ZFYVE9: variants seen among roughly 807,000 people sequenced by gnomAD.
The protein encoded by ZFYVE9 is zinc finger FYVE domain-containing protein 9.
ZFYVE9 carries 43 observed loss-of-function variants against 126.7 expected under a neutral mutation model. The observed-to-expected ratio is 0.34, with a 90% CI of 0.27 to 0.44. ZFYVE9 has a LOEUF of 0.44. Among genes scored for constraint, ZFYVE9 ranks in the 20% least tolerant of loss-of-function variants. The pLI is 1.00. For synonymous variants in ZFYVE9, 521 were observed against 597.4 expected (o/e 0.87, Z 1.87); for missense variants, 1,476 against 1,697.0 (o/e 0.87, Z 2.29).
intron 13 of ZFYVE9, among the ~76,000 whole-genome samples, chr1:52,329,700 T>A (rs2147867121): frequency 6.6e-6 from 1 of 152,052 alleles, no homozygotes; most frequent in Non-Finnish European, 1.5e-5. Flanking sequence ...GGTCAGGAGA[T>A]CGAGACCATC....
chr1:52,291,902 A>AG (rs1645924247), intron 10 of ZFYVE9, among the ~76,000 whole-genome samples: 1 of 151,560 alleles, frequency 6.6e-6, no homozygotes, highest in Non-Finnish European at 1.5e-5. Flanking sequence ...AAAAAAAAAA[A>AG]AAAAGAGAAA....
intron 17 of ZFYVE9, among the ~76,000 whole-genome samples, chr1:52,342,335 G>A (rs958074775): frequency 1.4e-5 from 2 of 144,498 alleles, no homozygotes; most frequent in Non-Finnish European, 3.0e-5. Context: ...GCGCAATCTC[G>A]GCTCACTGCA....
intron 17 of ZFYVE9, among the ~76,000 whole-genome samples, chr1:52,344,071 CAA>C (rs112122608): frequency 2.5e-4 from 22 of 89,786 alleles, no homozygotes; most frequent in Middle Eastern, 5.6e-3. Flanking sequence ...ACTTTGTTTC[CAA>C]AAAAAAAAAA....
Position 52,237,935 on chromosome 1 carries a change from A to G in ZFYVE9, c.518A>G (p.Asn173Ser). 6.2e-7 allele frequency: 1 copy of G among 1,614,056 alleles called. No individual in the cohort carries two copies. The highest frequency in any genetic ancestry group is 8.5e-7 in the Non-Finnish European group (1 of 1,179,946). Residue 173 changes from asparagine to serine, a missense_variant, in exon 4 of 19, where the codon AAT becomes AGT. Around this residue, in one of 2 missense-constraint regions of ZFYVE9, gnomAD observed 807 missense variants for 794.6 expected, o/e 1.02. Coordinates refer to ENST00000287727, the MANE Select transcript of ZFYVE9 (RefSeq NM_004799.4). ...QNDLQDCNNYNSQSLMDAFSC... is the reference protein window; with the variant it reads ...QNDLQDCNNYSSQSLMDAFSC... ...GATTTACAGGATTGTAATAATTATA[A>G]TAGTCAATCCCTTATGGATGCTTTT...
intron 13 of ZFYVE9, among the ~76,000 whole-genome samples, chr1:52,316,939 GGT>G (rs1646191124): frequency 6.6e-6 from 1 of 152,064 alleles, no homozygotes; most frequent in Non-Finnish European, 1.5e-5. Context: ...CATTTTCTGT[GGT>G]GTAAAAGAGG....
At chr1:52,249,029 G>C (rs112404798) in intron 4 of ZFYVE9, among the ~76,000 whole-genome samples, 5 of 152,204 alleles carry the variant, frequency 3.3e-5, no homozygotes, top group Non-Finnish European at 1.5e-5. Context: ...CCCCCTTGCT[G>C]TTCTCATAAT....
chr1:52,305,590 C>T (rs968164836), intron 13 of ZFYVE9, among the ~76,000 whole-genome samples: 8 of 152,078 alleles, frequency 5.3e-5, no homozygotes, highest in Non-Finnish European at 7.4e-5. Flanking sequence ...CTGTAGGAGC[C>T]GGGGACAAGT....
chr1:52,152,010 A>G (rs1412253204), intron 1 of ZFYVE9, among the ~76,000 whole-genome samples: 1 of 150,810 alleles, frequency 6.6e-6, no homozygotes, highest in Non-Finnish European at 1.5e-5. Flanking sequence ...TTTTTTTGAG[A>G]TGGAGTTTTG....
At chr1:52,287,715 A>AG (rs56763938) in intron 10 of ZFYVE9, among the ~76,000 whole-genome samples, 10 of 150,652 alleles carry the variant, frequency 6.6e-5, no homozygotes, top group African/African-American at 2.5e-4. Context: ...AAAAAAAAAA[A>AG]TTAACTAGGC....
chr1:52,161,968 C>G (rs1318571314), intron 1 of ZFYVE9, among the ~76,000 whole-genome samples: 3 of 150,048 alleles, frequency 2.0e-5, no homozygotes, highest in Admixed American at 2.0e-4. Context: ...GAGTATAACA[C>G]TAGGGTTGCT....
intron 1 of ZFYVE9, among the ~76,000 whole-genome samples, chr1:52,183,681 A>G (rs1644735664): frequency 6.6e-6 from 1 of 151,668 alleles, no homozygotes; most frequent in African/African-American, 2.4e-5. Context: ...TTTTTTGTGT[A>G]TTTTAGTAGA....
chr1:52,248,720 A>G (rs1016522943), intron 4 of ZFYVE9, among the ~76,000 whole-genome samples: 9 of 152,232 alleles, frequency 5.9e-5, no homozygotes, highest in Admixed American at 3.3e-4. Flanking sequence ...TAATGCTACT[A>G]TGAACATGGG....
chr1:52,331,631 A>T (rs1393111356), intron 13 of ZFYVE9, among the ~76,000 whole-genome samples: 1 of 151,106 alleles, frequency 6.6e-6, no homozygotes, highest in Non-Finnish European at 1.5e-5. Context: ...AGGCACTTGT[A>T]GTCCCAGCTA....
At chr1:52,181,161 T>TCGGC (rs1293014848) in intron 1 of ZFYVE9, among the ~76,000 whole-genome samples, 2 of 152,116 alleles carry the variant, frequency 1.3e-5, no homozygotes, top group East Asian at 3.9e-4. Flanking sequence ...TGCTGCCATC[T>TCGGC]CGGCTCACTG....
At chr1:52,214,230 C>G (rs1216184262) in intron 1 of ZFYVE9, among the ~76,000 whole-genome samples, 1 of 152,048 alleles carries the variant, frequency 6.6e-6, no homozygotes, top group Non-Finnish European at 1.5e-5. Flanking sequence ...AGTTTGAGAC[C>G]AGCCTGGGTA....
intron 17 of ZFYVE9, among the ~76,000 whole-genome samples, chr1:52,343,008 G>A (rs894409379): frequency 4.6e-5 from 7 of 151,452 alleles, no homozygotes; most frequent in Non-Finnish European, 1.5e-5. Flanking sequence ...CCAGGTCCAC[G>A]CCATTCTCCT....
intron 10 of ZFYVE9, among the ~76,000 whole-genome samples, chr1:52,290,528 A>C (rs1441141121): frequency 2.0e-5 from 3 of 152,140 alleles, no homozygotes; most frequent in Non-Finnish European, 4.4e-5. Context: ...GATGAAAAAA[A>C]ATTTTTTTCT....
intron 6 of ZFYVE9, among the ~76,000 whole-genome samples, chr1:52,267,348 C>G (rs1052828583): frequency 3.3e-5 from 5 of 152,044 alleles, no homozygotes; most frequent in African/African-American, 1.2e-4. Context: ...AACTTTAATT[C>G]TGATTATATC....
At chr1:52,286,173 G>A (rs557873504) in intron 10 of ZFYVE9, among the ~76,000 whole-genome samples, 2 of 150,216 alleles carry the variant, frequency 1.3e-5, no homozygotes, top group Non-Finnish European at 3.0e-5. Context: ...AAAAAAAAAC[G>A]TATCGCAATT....
Sources: gnomAD v4.1 joint callset for allele counts (sites outside exome capture counted in the v4.1 genomes callset) on GRCh38, gnomAD v4.1.1 for gene constraint, gnomAD v4.1.1 regional missense constraint, MANE v1.5 for transcripts, NCBI Gene and HGNC (gene_info 2026-07-23, HGNC 2026-07-21) for gene names.